MXRA7: variants seen among roughly 807,000 people sequenced by gnomAD.
MXRA7 encodes the protein matrix-remodeling-associated protein 7.
In MXRA7, 18 loss-of-function variants were observed where a neutral mutation model predicts 17.4. That is an observed-to-expected ratio of 1.03 (90% CI 0.71 to 1.53). The LOEUF (loss-of-function observed/expected upper bound fraction) is 1.53, where lower values mean the gene tolerates loss of function less well. MXRA7 is among the 40% of genes most tolerant of loss of function. MXRA7 has a pLI of 0.00. For missense variants in MXRA7, 141 were observed against 209.3 expected (o/e 0.67, Z 2.01); for synonymous variants, 70 against 101.7 (o/e 0.69, Z 1.87).
At chr17:76,708,865 G>T (rs765824285) in intron 1 of MXRA7, among the ~76,000 whole-genome samples, 1 of 152,148 alleles carries the variant, frequency 6.6e-6, no homozygotes, top group Admixed American at 6.5e-5. Flanking sequence ...CGGGAGGACA[G>T]ACACAAGCCT....
At chr17:76,677,944 GT>G (rs1306827562), downstream of MXRA7, among the ~76,000 whole-genome samples, 1 of 152,212 alleles carries the variant, frequency 6.6e-6, no homozygotes, top group Non-Finnish European at 1.5e-5. Flanking sequence ...TGCCGGGGAG[GT>G]TTGGGGACCC....
chr17:76,685,246 A>G, intron 2 of MXRA7, 81 bp from the exon 3 acceptor site: 1 of 989,558 alleles, frequency 1.0e-6, no homozygotes, highest in Non-Finnish European at 1.6e-6. Flanking sequence ...CCCTAGGTTT[A>G]AAAAGAAACA....
chr17:76,691,738 G>C (rs927506485), intron 1 of MXRA7, among the ~76,000 whole-genome samples: 3 of 152,154 alleles, frequency 2.0e-5, no homozygotes, highest in African/African-American at 7.2e-5. Context: ...TTTTTCTCAT[G>C]GTTGATGTCT....
chr17:76,682,432 G>C lies in MXRA7; in HGVS notation c.501-1553C>G, dbSNP rs117593880. Among the ~76,000 whole-genome samples, 12 of 152,224 alleles carry C rather than the reference G, an allele frequency of 7.9e-5. No homozygotes were observed. The East Asian group carries it at 2.3e-3, about 29-fold the overall frequency. On this transcript the variant is annotated intron_variant, in intron 3 of 3. Transcript: ENST00000449428. ...TGGTTTTAGTGGTTTGATAACAACA[G>C]GCATGTTATTTTTCATACTGATGAT...
chr17:76,703,063 G>C (rs1778827956), intron 1 of MXRA7, among the ~76,000 whole-genome samples: 1 of 151,632 alleles, frequency 6.6e-6, no homozygotes, highest in Non-Finnish European at 1.5e-5. Context: ...AGTGAGCTGA[G>C]ATTGCACCAC....
chr17:76,688,374 C>T (rs1363623018), intron 1 of MXRA7, 198 bp from the exon 2 acceptor site: 1 of 1,434,416 alleles, frequency 7.0e-7, no homozygotes, highest in Non-Finnish European at 9.1e-7. Flanking sequence ...TGACTCGGCT[C>T]ACAAATGCTG....
chr17:76,701,092 G>C (rs1205838574), intron 1 of MXRA7, among the ~76,000 whole-genome samples: 3 of 152,104 alleles, frequency 2.0e-5, no homozygotes, highest in Non-Finnish European at 2.9e-5. Context: ...CAGGGGCCGG[G>C]GGGTGTGCTC....
intron 1 of MXRA7, among the ~76,000 whole-genome samples, chr17:76,703,162 G>A (rs1484221959): frequency 6.6e-6 from 1 of 151,998 alleles, no homozygotes. Context: ...ATAAGAATCA[G>A]GCCAGGAGAA....
chr17:76,691,014 T>C (rs975648374), intron 1 of MXRA7, among the ~76,000 whole-genome samples: 2 of 152,164 alleles, frequency 1.3e-5, no homozygotes, highest in African/African-American at 4.8e-5. Context: ...GACAGGAGTG[T>C]CTTTTGTTCT....
chr17:76,690,002 T>G (rs1174979337), intron 1 of MXRA7: 3 of 91,866 alleles, frequency 3.3e-5, no homozygotes, highest in African/African-American at 3.4e-5. Context: ...ACAGCAAGAC[T>G]GCATCTTAAA....
intron 2 of MXRA7, among the ~76,000 whole-genome samples, chr17:76,686,595 G>A (rs537310585): frequency 1.3e-5 from 2 of 152,258 alleles, no homozygotes; most frequent in East Asian, 1.9e-4. Flanking sequence ...CAGAACAAAC[G>A]ACTTGAAAAG....
chr17:76,708,243 C>T lies in MXRA7; in HGVS notation c.342+2362G>A, dbSNP rs543011032. ...GTCAGAGGCAGCAGCTGCCCCAGCC[C>T]GCCCAGGCCTCCCTGGGAAGGGAGA... On this transcript the variant is annotated intron_variant, in intron 1 of 3. Transcript: ENST00000449428. Among the ~76,000 whole-genome samples the T allele has an allele frequency of 4.9e-4, 75 of 152,348 alleles. 1 individual carries two copies. The highest frequency in any genetic ancestry group is 1.4e-3 in the African/African-American group (59 of 41,586).
At chr17:76,690,988 T>C (rs989595749) in intron 1 of MXRA7, among the ~76,000 whole-genome samples, 6 of 152,154 alleles carry the variant, frequency 3.9e-5, no homozygotes, top group Admixed American at 2.0e-4. Flanking sequence ...CCTAAGTCCG[T>C]TGGAATTTCC....
rs944951727 is a variant in MXRA7, at chr17:76,710,961, C to G, written c.-15G>C. The G allele has an allele frequency of 1.1e-5, 11 of 987,932 alleles. No individual in the cohort carries two copies. The highest frequency in any genetic ancestry group is 1.2e-6 in the Non-Finnish European group (1 of 833,854). The allele number at this position is 987,932 out of a possible 1,614,324, so 61.2% of individuals were successfully genotyped here. ...GGCGCCTCCATCGCGCCGCGGCCGC[C>G]GAGTGCGGGCCAGCTGGGACCCCGA... On this transcript the variant is annotated 5_prime_UTR_variant, in exon 1 of 4. Transcript: ENST00000449428.
chr17:76,687,410 ATAT>A (rs1239206180), intron 2 of MXRA7, among the ~76,000 whole-genome samples: 25 of 152,350 alleles, frequency 1.6e-4, no homozygotes, highest in Admixed American at 1.6e-3. Flanking sequence ...AAATTATGAA[ATAT>A]TTCAAACATA....
At chr17:76,708,260 G>C (rs368035031) in intron 1 of MXRA7, among the ~76,000 whole-genome samples, 110 of 152,360 alleles carry the variant, frequency 7.2e-4, no homozygotes, top group African/African-American at 2.5e-3. Context: ...GCCTCCCTGG[G>C]AAGGGAGAGG....
At chr17:76,709,862 G>A (rs1158669220) in intron 1 of MXRA7, 1 of 152,752 alleles carries the variant, frequency 6.5e-6, no homozygotes, top group Non-Finnish European at 1.5e-5. Flanking sequence ...ACAGCATGGC[G>A]GGAGGCCTGG....
rs184281026 is a variant in MXRA7 at position 76,680,379 on chromosome 17, C to G, written c.*488G>C. 3 of 985,650 alleles carry G rather than the reference C, an allele frequency of 3.0e-6. No individual in the cohort carries two copies. Among genetic ancestry groups the G allele is most frequent in the Non-Finnish European group, 3.6e-6 (3 of 830,176 alleles). 61.1% of individuals were successfully genotyped at this position (985,650 alleles called of 1,614,324 possible). On this transcript the variant is annotated 3_prime_UTR_variant, in exon 4 of 4. Transcript: ENST00000449428. ...AAGTGGGGTTCCCAGGGAAAGGGGT[C>G]GGCTGACCACCCTGACGGAGCTGGT...
At chr17:76,678,754 T>C (rs1195588349), downstream of MXRA7, among the ~76,000 whole-genome samples, 1 of 152,204 alleles carries the variant, frequency 6.6e-6, no homozygotes, top group African/African-American at 2.4e-5. Context: ...CCACACTGCC[T>C]GGAGGGGTGG....
Sources: gnomAD v4.1 joint callset for allele counts (sites outside exome capture counted in the v4.1 genomes callset) on GRCh38, gnomAD v4.1.1 for gene constraint, MANE v1.5 for transcripts, NCBI Gene and HGNC (gene_info 2026-07-23, HGNC 2026-07-21) for gene names.